The following RBBP8 variants were observed in gnomAD, a reference collection of about 807,000 sequenced individuals.
RBBP8 encodes the protein DNA endonuclease RBBP8.
In RBBP8, 88 loss-of-function variants were observed where a neutral mutation model predicts 108.3. The ratio of observed to expected loss-of-function variants is 0.81; its 90% CI spans 0.68 to 0.97. The LOEUF (loss-of-function observed/expected upper bound fraction) is 0.97, where lower values mean the gene tolerates loss of function less well. RBBP8 is among the 50% of genes least tolerant of loss of function. The pLI is 0.00. For synonymous variants in RBBP8, 332 were observed against 348.2 expected (o/e 0.95, Z 0.52); for missense variants, 1,023 against 1,049.0 (o/e 0.98, Z 0.34).
intron 5 of RBBP8, among the ~76,000 whole-genome samples, chr18:22,971,392 T>C (rs1339068111): frequency 6.6e-6 from 1 of 152,184 alleles, no homozygotes; most frequent in Non-Finnish European, 1.5e-5. Context: ...TTTCTTTACA[T>C]ACTTTATTGG....
intron 3 of RBBP8, among the ~76,000 whole-genome samples, chr18:22,925,051 AT>A: frequency 6.6e-6 from 1 of 151,822 alleles, no homozygotes; most frequent in Middle Eastern, 3.2e-3. Context: ...AGCTAGATTT[AT>A]TTTTATTTTC....
Position 22,957,297 on chromosome 18 carries a change from T to TC in RBBP8, c.248+7584_248+7585insC, listed in dbSNP as rs573783171. On this transcript the variant is annotated intron_variant, in intron 4 of 18. Coordinates refer to ENST00000327155, the MANE Select transcript of RBBP8 (RefSeq NM_002894.3). ...TTTGTTGTAATTACTTTTTCTTTTT[T>TC]TTTTTTTTTTTTTTGCCTGTCTTTC... 1.0e-3 allele frequency among the ~76,000 whole-genome samples: 148 copies of TC among 146,810 alleles called. 1 individual carries two copies. The highest frequency in any genetic ancestry group is 2.0e-3 in the Admixed American group (30 of 14,826).
intron 17 of RBBP8, among the ~76,000 whole-genome samples, chr18:23,020,187 G>A (rs1156394877): frequency 1.3e-5 from 2 of 151,260 alleles, no homozygotes; most frequent in Non-Finnish European, 2.9e-5. Flanking sequence ...TTGGGAGGCC[G>A]AGGCGGGTGG....
intron 4 of RBBP8, among the ~76,000 whole-genome samples, chr18:22,952,482 C>A (rs1018430108): frequency 6.6e-6 from 1 of 152,170 alleles, no homozygotes; most frequent in Non-Finnish European, 1.5e-5. Context: ...ACAATACCTT[C>A]TTTGCAGGGC....
chr18:22,970,436 A>T (rs1204918116), intron 5 of RBBP8, among the ~76,000 whole-genome samples: 1 of 152,228 alleles, frequency 6.6e-6, no homozygotes, highest in Non-Finnish European at 1.5e-5. Context: ...ACGTTTTTTT[A>T]AATGGCTGCA....
At chr18:22,938,852 G>A (rs984913215) in intron 2 of RBBP8, among the ~76,000 whole-genome samples, 4 of 152,166 alleles carry the variant, frequency 2.6e-5, no homozygotes, top group Non-Finnish European at 5.9e-5. Flanking sequence ...TGCAGTCTTA[G>A]TAGAGTCGTG....
chr18:23,011,728 C>T (rs1445917175), intron 16 of RBBP8, among the ~76,000 whole-genome samples: 1 of 152,172 alleles, frequency 6.6e-6, no homozygotes, highest in East Asian at 1.9e-4. Context: ...CGTGAGCCAC[C>T]GTGCCCGGCC....
chr18:22,980,998 A>G (rs1295585223), intron 6 of RBBP8, among the ~76,000 whole-genome samples: 8 of 54,022 alleles, frequency 1.5e-4, no homozygotes, highest in East Asian at 9.2e-4. Context: ...TTTGAGACGG[A>G]GTCTCGCTCT....
chr18:22,945,618 G>A (rs551616385), intron 2 of RBBP8, among the ~76,000 whole-genome samples: 15 of 152,040 alleles, frequency 9.9e-5, no homozygotes, highest in African/African-American at 3.4e-4. Context: ...TCTTGACCTC[G>A]GGTGATCTGC....
chr18:22,966,708 A>C (rs147589268), intron 4 of RBBP8, among the ~76,000 whole-genome samples: 140 of 149,076 alleles, frequency 9.4e-4, no homozygotes, highest in African/African-American at 3.4e-3. Context: ...AGACACTTAA[A>C]TACTTACTAT....
Position 22,992,782 on chromosome 18 carries a change from G to T in RBBP8, c.955G>T (p.Glu319Ter). 1 of 1,600,940 alleles carries T rather than the reference G, an allele frequency of 6.2e-7. No homozygotes were observed. The highest frequency in any genetic ancestry group is 8.6e-7 in the Non-Finnish European group (1 of 1,168,392). Reference protein sequence around the residue: ...SDSTSKTPPQEELPTRVSSPV... With the variant: ...SDSTSKTPPQ ...TTCTACTTCAAAGACTCCTCCTCAA[G>T]AAGAATTACCTACTCGAGTGTCATC... The change falls in exon 11 of 19, where the codon GAA becomes TAA. Residue 319 changes from glutamate (E) to a stop codon, truncating the protein, a stop_gained. Transcript: ENST00000327155. LOFTEE classifies it high-confidence loss of function.
chr18:22,975,757 T>C (rs757252203), intron 6 of RBBP8, among the ~76,000 whole-genome samples: 41 of 152,080 alleles, frequency 2.7e-4, no homozygotes, highest in Non-Finnish European at 1.5e-4. Context: ...ATCCCCACTT[T>C]ACAAATGGGG....
At chr18:23,025,833 G>C (rs1469361976) in intron 18 of RBBP8, among the ~76,000 whole-genome samples, 1 of 152,138 alleles carries the variant, frequency 6.6e-6, no homozygotes, top group African/African-American at 2.4e-5. Context: ...TTGTGAACTT[G>C]AACAAGTAAT....
chr18:23,014,881 T>G (rs1003218396), intron 16 of RBBP8, among the ~76,000 whole-genome samples: 5 of 151,896 alleles, frequency 3.3e-5, no homozygotes, highest in Non-Finnish European at 7.4e-5. Context: ...TTTTTCTGGT[T>G]TTTTTTTGTT....
intron 6 of RBBP8, among the ~76,000 whole-genome samples, chr18:22,979,022 C>G (rs1163707157): frequency 1.3e-5 from 2 of 152,174 alleles, no homozygotes; most frequent in African/African-American, 4.8e-5. Flanking sequence ...AGTCTCAGCA[C>G]TTTGGGAGGC....
chr18:23,001,619 A>T lies in RBBP8; in HGVS notation c.2177A>T (p.Asp726Val), dbSNP rs1189996391. The change falls in exon 15 of 19, where the codon GAT becomes GTT. Residue 726 changes from aspartate (D) to valine (V), a missense_variant. By Grantham distance (152) the Asp-to-Val change is radical. Coordinates refer to ENST00000327155, the MANE Select transcript of RBBP8 (RefSeq NM_002894.3). ...AGAAAAATGAATGATAGCTTGGAAG[A>T]TATGTTTGATCGGACAACACATGAA... ...EERKMNDSLE[D>V]MFDRTTHEEY... is the part of the protein sequence containing the mutation. The T allele has an allele frequency of 9.9e-6, 16 of 1,613,994 alleles. No homozygotes were observed. The highest frequency in any genetic ancestry group is 1.4e-5 in the Non-Finnish European group (16 of 1,180,000).
intron 2 of RBBP8, among the ~76,000 whole-genome samples, chr18:22,945,421 C>G (rs1911467413): frequency 6.6e-6 from 1 of 151,846 alleles, no homozygotes; most frequent in African/African-American, 2.4e-5. Flanking sequence ...GAGTTTCGCT[C>G]TTGTTGCCCA....
At position 22,970,051 on chromosome 18, in the gene RBBP8, G is replaced by A. The variant is rs145037643; in HGVS notation, c.361+1133G>A. On this transcript the variant is annotated intron_variant, in intron 5 of 18. Transcript: ENST00000327155. ...CCTTATATAAAGTCACATAGTATTC[G>A]CATATAACCTACCCACATTCTCTTG... Among the ~76,000 whole-genome samples, 606 of 152,244 alleles carry A rather than the reference G, an allele frequency of 4.0e-3. 4 individuals are homozygous for A. Among genetic ancestry groups the A allele is most frequent in the East Asian group, 0.016 (85 of 5,190 alleles).
chr18:22,921,792 T>C (rs1214913520), intron 3 of RBBP8, among the ~76,000 whole-genome samples: 1 of 152,200 alleles, frequency 6.6e-6, no homozygotes, highest in Non-Finnish European at 1.5e-5. Context: ...ATTTCCTGAA[T>C]TTGCTTGCCA....
Sources: allele counts gnomAD v4.1 joint callset (sites outside exome capture counted in the v4.1 genomes callset), GRCh38; gene constraint gnomAD v4.1.1; transcripts MANE v1.5; gene names NCBI Gene and HGNC (gene_info 2026-07-23, HGNC 2026-07-21).